The following PARD3 variants were observed in gnomAD, a reference collection of about 807,000 sequenced individuals.
PARD3 encodes partitioning defective 3 homolog.
PARD3 carries 75 observed loss-of-function variants against 155.4 expected under a neutral mutation model. The ratio of observed to expected loss-of-function variants is 0.48; its 90% confidence interval spans 0.40 to 0.58. The LOEUF is 0.58. PARD3 is among the 20% of genes least tolerant of loss of function. PARD3 has a pLI of 0.00. For synonymous variants in PARD3, 576 were observed against 610.5 expected (o/e 0.94, Z 0.83); for missense variants, 1,642 against 1,721.7 (o/e 0.95, Z 0.82).
chr10:34,761,001 A>G (rs924371949), intron 1 of PARD3, among the ~76,000 whole-genome samples: 2 of 152,194 alleles, frequency 1.3e-5, no homozygotes, highest in Non-Finnish European at 2.9e-5. Context: ...TAATTAATAT[A>G]TTTCTTTATA....
chr10:34,809,416 G>C (rs897823207), intron 1 of PARD3, among the ~76,000 whole-genome samples: 1 of 152,142 alleles, frequency 6.6e-6, no homozygotes, highest in Admixed American at 6.5e-5. Flanking sequence ...GTCGGTACAG[G>C]AGCTACACCC....
At chr10:34,117,578 G>A (rs545242303) in intron 24 of PARD3, among the ~76,000 whole-genome samples, 8 of 152,286 alleles carry the variant, frequency 5.3e-5, no homozygotes, top group African/African-American at 1.9e-4. Flanking sequence ...TAAATGCTGA[G>A]GGCAGGAGAG....
At chr10:34,307,860 T>A (rs1957493152) in intron 20 of PARD3, among the ~76,000 whole-genome samples, 1 of 152,156 alleles carries the variant, frequency 6.6e-6, no homozygotes, top group African/African-American at 2.4e-5. Flanking sequence ...TCAATGTATA[T>A]TTACATCAAA....
intron 3 of PARD3, among the ~76,000 whole-genome samples, chr10:34,494,614 G>A (rs1331424934): frequency 6.6e-6 from 1 of 152,182 alleles, no homozygotes; most frequent in Non-Finnish European, 1.5e-5. Context: ...AAATCTTTCT[G>A]AGCATGCAGC....
chr10:34,786,648 G>A (rs560334942), intron 1 of PARD3, among the ~76,000 whole-genome samples: 13 of 145,934 alleles, frequency 8.9e-5, no homozygotes, highest in African/African-American at 2.8e-4. Flanking sequence ...GCCTGCCAGC[G>A]TATGACAGGG....
At chr10:34,479,160 ATTTTTTT>A (rs571846177) in intron 3 of PARD3, among the ~76,000 whole-genome samples, 3 of 131,794 alleles carry the variant, frequency 2.3e-5, no homozygotes, top group South Asian at 2.4e-4. Flanking sequence ...CTCAAATTTA[ATTTTTTT>A]TTTTTTTTTT....
rs973630658 is a variant in PARD3 at position 34,110,792 on chromosome 10, G to A, written c.*377C>T. ...CCATAGCTAAGAGAACTTAGAGGGAGAAACAGGGCCGCACGTCATCCTCCA... is the reference window on the plus strand; with the variant it reads ...CCATAGCTAAGAGAACTTAGAGGGAAAAACAGGGCCGCACGTCATCCTCCA... On this transcript the variant is annotated 3_prime_UTR_variant, in exon 25 of 25. Coordinates refer to ENST00000374788, the MANE Select transcript of PARD3 (RefSeq NM_001184785.2). 2.5e-5 allele frequency: 4 copies of A among 163,200 alleles called. No homozygotes were observed. Among genetic ancestry groups the A allele is most frequent in the African/African-American group, 9.6e-5 (4 of 41,884 alleles). The allele number at this position is 163,200 out of a possible 1,614,324, so 10.1% of individuals were successfully genotyped here. A position where few individuals can be genotyped will look rare whatever the true frequency, so the allele number is the denominator to read the frequency against.
intron 2 of PARD3, among the ~76,000 whole-genome samples, chr10:34,548,080 T>G (rs1370911133): frequency 2.6e-5 from 4 of 152,232 alleles, no homozygotes; most frequent in South Asian, 2.1e-4. Context: ...CTTCAAACAT[T>G]GTAAGCAATA....
intron 22 of PARD3, among the ~76,000 whole-genome samples, chr10:34,227,324 CAG>C (rs1356405962): frequency 2.6e-5 from 4 of 152,196 alleles, no homozygotes; most frequent in Non-Finnish European, 5.9e-5. Context: ...ATCTCCACAC[CAG>C]TCAGAATGAC....
At chr10:34,390,896 TCTTTCC>T (rs1842815489) in intron 7 of PARD3, among the ~76,000 whole-genome samples, 1 of 152,236 alleles carries the variant, frequency 6.6e-6, no homozygotes, top group Non-Finnish European at 1.5e-5. Context: ...CTGAGCATCA[TCTTTCC>T]TTTCCAGCGA....
At chr10:34,445,298 T>C (rs746616965) in intron 5 of PARD3, among the ~76,000 whole-genome samples, 4 of 152,306 alleles carry the variant, frequency 2.6e-5, no homozygotes, top group Admixed American at 6.5e-5. Flanking sequence ...GCACAAACAA[T>C]AGTGCTTACT....
At chr10:34,641,543 C>T (rs2132947162) in intron 2 of PARD3, among the ~76,000 whole-genome samples, 1 of 152,308 alleles carries the variant, frequency 6.6e-6, no homozygotes, top group African/African-American at 2.4e-5. Flanking sequence ...AATCTCAGGG[C>T]CTGGAGGAAG....
intron 2 of PARD3, among the ~76,000 whole-genome samples, chr10:34,680,688 T>C (rs1480013692): frequency 1.3e-5 from 2 of 151,668 alleles, no homozygotes; most frequent in African/African-American, 4.9e-5. Context: ...TTAAAGAAGC[T>C]ACATAACCAA....
Position 34,359,289 on chromosome 10 carries a change from A to G in PARD3, c.1925T>C (p.Leu642Pro). 6.2e-7 allele frequency: 1 copy of G among 1,613,916 alleles called. No individual in the cohort carries two copies. Among genetic ancestry groups the G allele is most frequent in the Non-Finnish European group, 8.5e-7 (1 of 1,179,896 alleles). The part of the protein sequence containing the change: ...KDGRLRVNDQ[L>P]IAVNGESLLG... ...CAGGGATTCTCCATTTACTGCTATC[A>G]GTTGATCATTCACCCGAAGCCTTCC... is the stretch of plus-strand genomic sequence containing the variant. The change falls in exon 14 of 25, where the codon CTG becomes CCG. Residue 642 changes from leucine to proline, a missense_variant. Around this residue, in one of 3 missense-constraint regions of PARD3, gnomAD observed 1,529 missense variants for 1,587.3 expected, o/e 0.96. Coordinates refer to ENST00000374788, the MANE Select transcript of PARD3 (RefSeq NM_001184785.2).
intron 1 of PARD3, among the ~76,000 whole-genome samples, chr10:34,704,030 TA>T (rs1564527266): frequency 6.6e-6 from 1 of 152,012 alleles, no homozygotes. Context: ...ACAGGAGACA[TA>T]ACACAGAAGA....
chr10:34,607,883 C>T (rs2090590958), intron 2 of PARD3, among the ~76,000 whole-genome samples: 1 of 152,190 alleles, frequency 6.6e-6, no homozygotes, highest in Non-Finnish European at 1.5e-5. Context: ...GGATACCACC[C>T]ACCCTGGCAT....
intron 3 of PARD3, among the ~76,000 whole-genome samples, chr10:34,496,845 T>C (rs868482452): frequency 1.1e-4 from 17 of 152,214 alleles, no homozygotes; most frequent in African/African-American, 3.9e-4. Context: ...CTATTACATA[T>C]AGCTTAAGTA....
chr10:34,306,892 AT>A (rs1036133175), intron 20 of PARD3, among the ~76,000 whole-genome samples: 2,486 of 146,222 alleles, frequency 0.017, 65 homozygotes, highest in African/African-American at 0.056. Context: ...TTCCAAAAGT[AT>A]TTTTTTTTTT....
intron 22 of PARD3, among the ~76,000 whole-genome samples, chr10:34,172,405 C>A (rs1472862856): frequency 1.3e-5 from 2 of 152,142 alleles, no homozygotes; most frequent in African/African-American, 4.8e-5. Context: ...AAACACCCAC[C>A]TTCACAATTT....
Sources: allele counts gnomAD v4.1 joint callset (sites outside exome capture counted in the v4.1 genomes callset), GRCh38; gene constraint gnomAD v4.1.1; regional missense constraint gnomAD v4.1.1; transcripts MANE v1.5; gene names NCBI Gene and HGNC (gene_info 2026-07-23, HGNC 2026-07-21).